The following MDGA2 variants were observed in gnomAD, a reference collection of about 807,000 sequenced individuals.
MDGA2 encodes MAM domain containing glycosylphosphatidylinositol anchor 2, also known as MAM domain-containing glycosylphosphatidylinositol anchor protein 2.
MDGA2 carries 40 observed loss-of-function variants against 117.8 expected under a neutral mutation model. That is an observed-to-expected ratio of 0.34 (90% CI 0.26 to 0.44). The LOEUF (loss-of-function observed/expected upper bound fraction) is 0.44. Among genes scored for constraint, MDGA2 ranks in the 20% least tolerant of loss-of-function variants. The probability of loss-of-function intolerance (pLI) is 1.00; values close to 1 mark genes in which losing one functional copy is unlikely to be tolerated. For missense variants in MDGA2, 1,123 were observed against 1,250.6 expected (o/e 0.90, Z 1.54); for synonymous variants, 452 against 439.0 (o/e 1.03, Z -0.37).
chr14:47,583,206 T>C (rs1896260765), intron 1 of MDGA2, among the ~76,000 whole-genome samples: 1 of 151,788 alleles, frequency 6.6e-6, no homozygotes, highest in South Asian at 2.1e-4. Context: ...GCAAGTGTAG[T>C]GTAATGCAGA....
At chr14:46,977,958 G>A (rs1566556556) in intron 8 of MDGA2, among the ~76,000 whole-genome samples, 2 of 151,938 alleles carry the variant, frequency 1.3e-5, no homozygotes, top group Non-Finnish European at 1.5e-5. Context: ...CTCCAAAAAT[G>A]AGAGTGAGTA....
intron 3 of MDGA2, among the ~76,000 whole-genome samples, chr14:47,150,433 A>T (rs1883116826): frequency 6.6e-6 from 1 of 152,132 alleles, no homozygotes; most frequent in South Asian, 2.1e-4. Flanking sequence ...GATTAATTAC[A>T]CTCAGCCTTT....
intron 4 of MDGA2, among the ~76,000 whole-genome samples, chr14:47,140,068 T>C (rs544526457): frequency 3.3e-5 from 5 of 151,898 alleles, no homozygotes; most frequent in South Asian, 4.1e-4. Flanking sequence ...GTCCTCAGTG[T>C]TAAGAAGGCC....
chr14:47,111,035 C>T (rs939121621), intron 5 of MDGA2, among the ~76,000 whole-genome samples: 1 of 152,074 alleles, frequency 6.6e-6, no homozygotes, highest in Admixed American at 6.5e-5. Context: ...AAAAAACAGG[C>T]CAAAATCCTG....
chr14:47,308,323 C>T (rs17672394), intron 1 of MDGA2, among the ~76,000 whole-genome samples: 13,535 of 152,046 alleles, frequency 0.089, 733 homozygotes, highest in Non-Finnish European at 0.11. Flanking sequence ...CATTTTAGGA[C>T]TGCAAAGAAT....
intron 4 of MDGA2, among the ~76,000 whole-genome samples, chr14:47,134,884 G>C (rs1882378185): frequency 6.6e-6 from 1 of 151,604 alleles, no homozygotes; most frequent in Non-Finnish European, 1.5e-5. Flanking sequence ...AGCAACCACG[G>C]AGTGATAATG....
At chr14:47,640,376 G>A (rs754195795) in intron 1 of MDGA2, among the ~76,000 whole-genome samples, 2 of 151,960 alleles carry the variant, frequency 1.3e-5, no homozygotes, top group Non-Finnish European at 2.9e-5. Flanking sequence ...TTTCTTACCC[G>A]ATGTACTGCA....
chr14:47,561,175 G>GTTTTTTTTTTTTTTTTTTTTTTT (rs150826944), intron 1 of MDGA2, among the ~76,000 whole-genome samples: 3 of 69,362 alleles, frequency 4.3e-5, no homozygotes, highest in Admixed American at 1.7e-4. Flanking sequence ...TTTTTTGTTT[G>GTTTTTTTTTTTTTTTTTTTTTTT]TTTGTTTTTT....
At chr14:47,470,426 C>A (rs917002809) in intron 1 of MDGA2, among the ~76,000 whole-genome samples, 1 of 152,086 alleles carries the variant, frequency 6.6e-6, no homozygotes, top group African/African-American at 2.4e-5. Flanking sequence ...TCATACATGT[C>A]CCTGCAAAGG....
In MDGA2 at chr14:47,418,930, A is replaced by T. The variant is rs183428077; in HGVS notation, c.281-117380T>A. On this transcript the variant is annotated intron_variant, in intron 1 of 16. Transcript: ENST00000399232. ...TACTCTATGAATTCTGGTGACAAAA[A>T]GTGGAATACTTTTCAGTTCTTGCCA... 1.2e-3 allele frequency among the ~76,000 whole-genome samples: 188 copies of T among 152,300 alleles called. 2 individuals are homozygous for T. The highest frequency in any genetic ancestry group is 3.8e-4 in the Non-Finnish European group (26 of 68,014).
At chr14:47,578,951 G>T (rs757557534) in intron 1 of MDGA2, among the ~76,000 whole-genome samples, 17 of 152,104 alleles carry the variant, frequency 1.1e-4, no homozygotes, top group South Asian at 2.1e-4. Flanking sequence ...TACCATGTTA[G>T]GTCAAAGTAT....
intron 7 of MDGA2, among the ~76,000 whole-genome samples, chr14:47,036,914 C>T (rs768776467): frequency 1.3e-5 from 2 of 152,080 alleles, no homozygotes; most frequent in Admixed American, 1.3e-4. Context: ...TAATGCATAA[C>T]GTCTTAGAAT....
intron 1 of MDGA2, among the ~76,000 whole-genome samples, chr14:47,568,800 C>T (rs377208271): frequency 3.3e-5 from 5 of 152,030 alleles, no homozygotes; most frequent in African/African-American, 9.7e-5. Flanking sequence ...CTTTTGATGA[C>T]ATTTACTTTG....
intron 1 of MDGA2, among the ~76,000 whole-genome samples, chr14:47,431,115 C>G (rs763213041): frequency 8.6e-5 from 13 of 152,002 alleles, no homozygotes; most frequent in Non-Finnish European, 1.8e-4. Context: ...GTTCATTCCT[C>G]TTTTTATTTT....
intron 7 of MDGA2, among the ~76,000 whole-genome samples, chr14:47,056,653 T>C (rs1889685851): frequency 6.6e-6 from 1 of 152,142 alleles, no homozygotes; most frequent in Non-Finnish European, 1.5e-5. Context: ...TACAAGTTTG[T>C]CAAGTCATGC....
At chr14:47,310,288 T>C (rs1423109324) in intron 1 of MDGA2, among the ~76,000 whole-genome samples, 5 of 152,042 alleles carry the variant, frequency 3.3e-5, no homozygotes, top group Non-Finnish European at 7.4e-5. Flanking sequence ...AAATACAGCA[T>C]TTGACAACTT....
chr14:47,637,753 G>A (rs2138238134), intron 1 of MDGA2, among the ~76,000 whole-genome samples: 1 of 152,326 alleles, frequency 6.6e-6, no homozygotes, highest in East Asian at 1.9e-4. Context: ...TTTAGATAGT[G>A]TCAAGTGTCA....
At chr14:47,597,024 T>C (rs1414660188) in intron 1 of MDGA2, among the ~76,000 whole-genome samples, 1 of 152,146 alleles carries the variant, frequency 6.6e-6, no homozygotes, top group Non-Finnish European at 1.5e-5. Flanking sequence ...ACTCACTGTG[T>C]TACTACACTG....
intron 3 of MDGA2, among the ~76,000 whole-genome samples, chr14:47,198,924 C>G (rs566182048): frequency 1.3e-5 from 2 of 152,130 alleles, no homozygotes; most frequent in East Asian, 3.9e-4. Flanking sequence ...ACATATTATT[C>G]TTTATAATGT....
Sources: gnomAD v4.1 joint callset for allele counts (sites outside exome capture counted in the v4.1 genomes callset) on GRCh38, gnomAD v4.1.1 for gene constraint, MANE v1.5 for transcripts, NCBI Gene and HGNC (gene_info 2026-07-23, HGNC 2026-07-21) for gene names.